The following LRRFIP1 variants were observed in gnomAD, a reference collection of about 807,000 sequenced individuals.
LRRFIP1 encodes leucine-rich repeat flightless-interacting protein 1.
In LRRFIP1, 62 loss-of-function variants were observed where a neutral mutation model predicts 104.4. That is an observed-to-expected ratio of 0.59 (90% CI 0.48 to 0.73). LRRFIP1 has a LOEUF of 0.73. LRRFIP1 is among the 30% of genes least tolerant of loss of function. The pLI, the probability that LRRFIP1 is intolerant of heterozygous loss-of-function variation, is 0.00. For missense variants in LRRFIP1, 796 were observed against 824.5 expected (o/e 0.97, Z 0.42); for synonymous variants, 300 against 299.0 (o/e 1.00, Z -0.03).
intron 20 of LRRFIP1, among the ~76,000 whole-genome samples, chr2:237,771,323 C>G (rs62196062): frequency 6.7e-6 from 1 of 148,236 alleles, no homozygotes; most frequent in East Asian, 2.0e-4. Flanking sequence ...AAAAAAAACC[C>G]ATAAATTCCG....
At chr2:237,635,698 G>A (rs2082979865) in intron 1 of LRRFIP1, among the ~76,000 whole-genome samples, 1 of 152,056 alleles carries the variant, frequency 6.6e-6, no homozygotes, top group Non-Finnish European at 1.5e-5. Flanking sequence ...GGTGATGCAT[G>A]CCTGTAGTCC....
intron 1 of LRRFIP1, among the ~76,000 whole-genome samples, chr2:237,685,357 A>G (rs1337799902): frequency 6.6e-6 from 1 of 152,228 alleles, no homozygotes; most frequent in Non-Finnish European, 1.5e-5. Flanking sequence ...TACATTAGAA[A>G]TTATTTTAAG....
At chr2:237,710,055 G>T (rs1418046862) in intron 2 of LRRFIP1, among the ~76,000 whole-genome samples, 1 of 151,776 alleles carries the variant, frequency 6.6e-6, no homozygotes, top group Admixed American at 6.6e-5. Context: ...GTTTCACCAT[G>T]TTGGCCAGAC....
chr2:237,717,703 C>CTA lies in LRRFIP1; in HGVS notation c.202-59_202-58insTA. The stretch of plus-strand genomic sequence containing the variant: ...ATGCATGTCAGAACAGTGCCTTAGA[C>CTA]AACTGCCTTTTTAAGAAATTTCACT... On this transcript the variant is annotated intron_variant, in intron 3 of 23. Transcript: ENST00000308482. The surrounding 1 kb of genome is among the most constrained non-coding windows in gnomAD (Gnocchi z 4.2). The CTA allele has an allele frequency of 7.7e-7, 1 of 1,299,628 alleles. No homozygotes were observed. Among genetic ancestry groups the CTA allele is most frequent in the Non-Finnish European group, 1.1e-6 (1 of 893,358 alleles). The allele number at this position is 1,299,628 out of a possible 1,614,324, so 80.5% of individuals were successfully genotyped here. A position where few individuals can be genotyped will look rare whatever the true frequency, so the allele number is the denominator to read the frequency against.
rs1483437690 is a variant in LRRFIP1 at position 237,649,505 on chromosome 2, T to C, written c.96+21765T>C. 2.0e-5 allele frequency among the ~76,000 whole-genome samples: 3 copies of C among 151,978 alleles called. No individual in the cohort carries two copies. Among genetic ancestry groups the C allele is most frequent in the Non-Finnish European group, 4.4e-5 (3 of 67,948 alleles). On this transcript the variant is annotated intron_variant, in intron 1 of 23. Transcript: ENST00000308482. This position sits in a 1 kb window ranked among gnomAD's most constrained non-coding sequence, Gnocchi z 4.1. ...AAGATTGTGCCATTGCACTCCAGCC[T>C]GGGCAACCAAGAGAGATTCTGTCTC...
chr2:237,735,456 C>A lies in LRRFIP1; in HGVS notation c.555+123C>A. The A allele has an allele frequency of 2.5e-6, 2 of 800,664 alleles. No individual in the cohort carries two copies. The highest frequency in any genetic ancestry group is 3.8e-6 in the Non-Finnish European group (2 of 523,312). The allele number at this position is 800,664 out of a possible 1,614,324, so 49.6% of individuals were successfully genotyped here. A position where few individuals can be genotyped will look rare whatever the true frequency, so the allele number is the denominator to read the frequency against. On this transcript the variant is annotated intron_variant, in intron 10 of 23. Coordinates refer to ENST00000308482, the MANE Select transcript of LRRFIP1 (RefSeq NM_001137550.2). The surrounding 1 kb of genome is among the most constrained non-coding windows in gnomAD (Gnocchi z 4.6). ...TTCTCAGGAGGAAGCGCCGAGTCAC[C>A]GGGCTAACCGCCACCTTCCATTGTA...
chr2:237,696,084 T>A (rs1252208603), intron 1 of LRRFIP1, among the ~76,000 whole-genome samples: 2 of 152,220 alleles, frequency 1.3e-5, no homozygotes, highest in African/African-American at 2.4e-5. Flanking sequence ...GATTGTAACT[T>A]TACAACTTTA....
chr2:237,746,741 A>T (rs1259361141), intron 11 of LRRFIP1, among the ~76,000 whole-genome samples: 4 of 152,234 alleles, frequency 2.6e-5, no homozygotes, highest in African/African-American at 9.6e-5. Flanking sequence ...GCTGCACCCA[A>T]CGTGAGAATG....
At chr2:237,763,842 C>T (rs1253778173) in intron 19 of LRRFIP1, 1 of 1,614,146 alleles carries the variant, frequency 6.2e-7, no homozygotes, top group Admixed American at 1.7e-5. Context: ...ATAGATGGTG[C>T]CACTCAAAGC....
chr2:237,699,630 G>A (rs368462467), intron 1 of LRRFIP1, among the ~76,000 whole-genome samples: 2 of 152,334 alleles, frequency 1.3e-5, no homozygotes. Flanking sequence ...GGGATTACAG[G>A]CGTGAGCCAC....
At chr2:237,744,000 A>G (rs75899564) in intron 11 of LRRFIP1, among the ~76,000 whole-genome samples, 4,296 of 152,258 alleles carry the variant, frequency 0.028, 199 homozygotes, top group African/African-American at 0.095. Context: ...GACAGGAGCA[A>G]TGAACTCAGA....
At chr2:237,659,137 A>G (rs2149448234) in intron 1 of LRRFIP1, among the ~76,000 whole-genome samples, 1 of 152,226 alleles carries the variant, frequency 6.6e-6, no homozygotes, top group African/African-American at 2.4e-5. Flanking sequence ...TCCCTCACCC[A>G]GGCTAAAGTG....
At position 237,774,510 on chromosome 2, in the gene LRRFIP1, C is replaced by A. The variant is rs2279643; in HGVS notation, c.1812+48C>A. The A allele has an allele frequency of 8.7e-3, 10,896 of 1,252,118 alleles. 337 individuals are homozygous for A. The highest frequency in any genetic ancestry group is 0.084 in the East Asian group (3,541 of 42,210). 77.6% of individuals were successfully genotyped at this position (1,252,118 alleles called of 1,614,324 possible). The stretch of plus-strand genomic sequence containing the variant: ...AGGAAGAGAATGGCTGCCAGTATTT[C>A]TCTAGTGGGGACGGTACAGAGAGGA... On this transcript the variant is annotated intron_variant, in intron 23 of 23. Coordinates refer to ENST00000308482, the MANE Select transcript of LRRFIP1 (RefSeq NM_001137550.2).
chr2:237,731,240 C>G (rs2094991866), intron 8 of LRRFIP1, among the ~76,000 whole-genome samples: 1 of 152,238 alleles, frequency 6.6e-6, no homozygotes, highest in Admixed American at 6.5e-5. Flanking sequence ...AGAAATAGCT[C>G]TGACCCTTCC....
intron 17 of LRRFIP1, 34 bp downstream of exon 17, chr2:237,757,582 T>A (rs773535244): frequency 6.8e-7 from 1 of 1,468,322 alleles, no homozygotes; most frequent in East Asian, 2.4e-5. Context: ...TCTACTCAAA[T>A]GGGCAGCCTG....
chr2:237,774,490 G>A, intron 23 of LRRFIP1, 28 bp downstream of exon 23: 2 of 1,415,726 alleles, frequency 1.4e-6, no homozygotes, highest in Non-Finnish European at 2.0e-6. Flanking sequence ...TTTCTAGGAA[G>A]AGAATGGCTG....
At chr2:237,715,673 G>T (rs1458770898) in intron 3 of LRRFIP1, among the ~76,000 whole-genome samples, 1 of 152,266 alleles carries the variant, frequency 6.6e-6, no homozygotes, top group Non-Finnish European at 1.5e-5. Context: ...AGGAGAGGAG[G>T]CGGCGATTGC....
intron 8 of LRRFIP1, among the ~76,000 whole-genome samples, chr2:237,732,989 G>T (rs1312777341): frequency 2.0e-5 from 3 of 152,214 alleles, no homozygotes; most frequent in African/African-American, 4.8e-5. Context: ...TGTCAGAGGT[G>T]AAAGTACACG....
chr2:237,772,168 G>A lies in LRRFIP1; in HGVS notation c.1597G>A (p.Gly533Arg), dbSNP rs910750987. 1.8e-5 allele frequency: 29 copies of A among 1,613,658 alleles called. No individual in the cohort carries two copies. Among genetic ancestry groups the A allele is most frequent in the East Asian group, 2.2e-5 (1 of 44,892 alleles). ...ATCTGAAGATGATGTCTTGGAAAAC[G>A]GGACAGACATGCATGTAATGGACCT... is the stretch of plus-strand genomic sequence containing the variant. ...LRSEDDVLEN[G>R]TDMHVMDLQR... Residue 533 changes from glycine (G) to arginine (R), a missense_variant, in exon 21 of 24, where the codon GGG becomes AGG. By Grantham distance (125) the Gly-to-Arg change is moderately radical. Coordinates refer to ENST00000308482, the MANE Select transcript of LRRFIP1 (RefSeq NM_001137550.2).
Sources: gnomAD v4.1 joint callset for allele counts (sites outside exome capture counted in the v4.1 genomes callset) on GRCh38, gnomAD v4.1.1 for gene constraint, Gnocchi (gnomAD v3.1) non-coding constraint, MANE v1.5 for transcripts, NCBI Gene and HGNC (gene_info 2026-07-23, HGNC 2026-07-21) for gene names.